The following HSD17B7 variants were observed in gnomAD, a reference collection of about 807,000 sequenced individuals.
HSD17B7 encodes the protein 3-keto-steroid reductase/17-beta-hydroxysteroid dehydrogenase 7.
In HSD17B7, 17 loss-of-function variants were observed where a neutral mutation model predicts 34.1. The observed-to-expected ratio is 0.50, with a 90% CI of 0.34 to 0.75. HSD17B7 has a LOEUF of 0.75. Among genes scored for constraint, HSD17B7 ranks in the 30% least tolerant of loss-of-function variants. The pLI is 0.01. For synonymous variants in HSD17B7, 122 were observed against 154.6 expected (o/e 0.79, Z 1.56); for missense variants, 296 against 406.6 (o/e 0.73, Z 2.34).
chr1:162,793,600 A>G (rs552503555), intron 2 of HSD17B7, among the ~76,000 whole-genome samples: 17 of 152,334 alleles, frequency 1.1e-4, no homozygotes, highest in Non-Finnish European at 1.9e-4. Context: ...TTCAATCTCA[A>G]TCATGATCAT....
At chr1:162,796,553 A>G in intron 2 of HSD17B7, 32 bp from the exon 3 acceptor site, 2 of 1,351,972 alleles carry the variant, frequency 1.5e-6, no homozygotes, top group Admixed American at 1.7e-5. Context: ...TTTACTTGCA[A>G]CTCACAATCT....
rs571995045 is a variant in HSD17B7 at position 162,791,565 on chromosome 1, T to G, written c.35+730T>G. ...TAAGACAGAGGACATGTTAAACATTTAAGATTGATCCACTTTCAATTATTT... is the reference window on the plus strand; with the variant it reads ...TAAGACAGAGGACATGTTAAACATTGAAGATTGATCCACTTTCAATTATTT... On this transcript the variant is annotated intron_variant, in intron 1 of 8. Coordinates refer to ENST00000254521, the MANE Select transcript of HSD17B7 (RefSeq NM_016371.4). 1.5e-4 allele frequency among the ~76,000 whole-genome samples: 16 copies of G among 104,694 alleles called. No individual in the cohort carries two copies. In the South Asian group the frequency reaches 6.6e-3, roughly 43 times the overall value. The allele number at this position is 104,694 out of a possible 152,430, so 68.7% of individuals were successfully genotyped here. A position where few individuals can be genotyped will look rare whatever the true frequency, so the allele number is the denominator to read the frequency against.
intron 4 of HSD17B7, chr1:162,798,662 A>G (rs1206146876): frequency 6.4e-6 from 1 of 156,406 alleles, no homozygotes; most frequent in African/African-American, 2.4e-5. Flanking sequence ...TTCCATTGTT[A>G]AGTTACTTTT....
intron 8 of HSD17B7, among the ~76,000 whole-genome samples, chr1:162,805,705 T>C (rs1187112500): frequency 1.3e-5 from 2 of 152,222 alleles, no homozygotes; most frequent in South Asian, 2.1e-4. Flanking sequence ...CTCTTGATGA[T>C]TGATTTGTGC....
chr1:162,792,545 A>G (rs1440664015), intron 1 of HSD17B7, 114 bp from the exon 2 acceptor site: 18 of 1,388,350 alleles, frequency 1.3e-5, no homozygotes, highest in African/African-American at 2.9e-5. Flanking sequence ...TTTTCTTTCT[A>G]TCTGGGCTTC....
At chr1:162,807,662 C>T (rs1649031105) in intron 8 of HSD17B7, among the ~76,000 whole-genome samples, 1 of 152,110 alleles carries the variant, frequency 6.6e-6, no homozygotes, top group Admixed American at 6.5e-5. Context: ...TAATGATCGC[C>T]ATTCTAACTG....
chr1:162,790,914 C>G lies in HSD17B7; in HGVS notation c.35+79C>G, dbSNP rs1202550766. The G allele has an allele frequency of 3.7e-6, 4 of 1,080,986 alleles. No homozygotes were observed. In the Admixed American group the frequency reaches 8.3e-5, roughly 22 times the overall value. The allele number at this position is 1,080,986 out of a possible 1,614,324, so 67.0% of individuals were successfully genotyped here. A position where few individuals can be genotyped will look rare whatever the true frequency, so the allele number is the denominator to read the frequency against. On this transcript the variant is annotated intron_variant, in intron 1 of 8. Coordinates refer to ENST00000254521, the MANE Select transcript of HSD17B7 (RefSeq NM_016371.4). The stretch of plus-strand genomic sequence containing the variant: ...GCAGGGGTCTGCGACCCTCCACGAA[C>G]GGACCCCGGAAGCGCCCGCCCCTGG...
intron 3 of HSD17B7, chr1:162,797,316 C>T (rs1412363529): frequency 6.3e-6 from 1 of 159,616 alleles, no homozygotes; most frequent in African/African-American, 2.4e-5. Flanking sequence ...TCTCTCTCCC[C>T]GCATTGATTT....
At chr1:162,792,619 C>A (rs1410851295) in intron 1 of HSD17B7, 40 bp from the exon 2 acceptor site, 1 of 1,588,370 alleles carries the variant, frequency 6.3e-7, no homozygotes, top group Non-Finnish European at 8.6e-7. Flanking sequence ...CTGATGCCAT[C>A]CCAGATAACC....
At chr1:162,798,829 C>T in intron 4 of HSD17B7, 1 of 244,034 alleles carries the variant, frequency 4.1e-6, no homozygotes, top group South Asian at 3.4e-5. Flanking sequence ...AACCCCATCT[C>T]TATCAAAAAA....
intron 1 of HSD17B7, among the ~76,000 whole-genome samples, chr1:162,792,235 C>T (rs1322949828): frequency 6.6e-6 from 1 of 152,126 alleles, no homozygotes; most frequent in Non-Finnish European, 1.5e-5. Flanking sequence ...GAGCCCTTGC[C>T]CCTGAGGAGC....
At chr1:162,807,477 G>A (rs1237865497) in intron 8 of HSD17B7, among the ~76,000 whole-genome samples, 1 of 152,118 alleles carries the variant, frequency 6.6e-6, no homozygotes, top group African/African-American at 2.4e-5. Flanking sequence ...ATAATCCTTT[G>A]GGTATATACC....
chr1:162,790,874 C>G (rs946180734), intron 1 of HSD17B7, 39 bp downstream of exon 1: 1 of 1,601,624 alleles, frequency 6.2e-7, no homozygotes, highest in South Asian at 1.1e-5. Context: ...GGCAGCGGAT[C>G]AGGGGTCCGA....
At chr1:162,798,783 G>T in intron 4 of HSD17B7, 1 of 164,896 alleles carries the variant, frequency 6.1e-6, no homozygotes, top group Admixed American at 6.2e-5. Flanking sequence ...ATTACCTGAG[G>T]TCGGGAGTTT....
chr1:162,797,985 G>A (rs1490291503), intron 4 of HSD17B7, 69 bp downstream of exon 4: 8 of 1,546,328 alleles, frequency 5.2e-6, no homozygotes, highest in Non-Finnish European at 7.0e-6. Context: ...TGGGCACAGG[G>A]CATTATTATA....
At chr1:162,812,057 A>G (rs987542333) in intron 8 of HSD17B7, among the ~76,000 whole-genome samples, 6 of 152,186 alleles carry the variant, frequency 3.9e-5, no homozygotes, top group African/African-American at 1.4e-4. Flanking sequence ...GGAGATAGCA[A>G]AACTCAGATC....
intron 6 of HSD17B7, 152 bp from the exon 7 acceptor site, chr1:162,804,115 A>G (rs1648904498): frequency 1.7e-6 from 1 of 571,632 alleles, no homozygotes; most frequent in East Asian, 2.9e-5. Flanking sequence ...TGGAGATTAA[A>G]TGATGTTTCT....
At chr1:162,793,852 A>G (rs1434643634) in intron 2 of HSD17B7, among the ~76,000 whole-genome samples, 1 of 149,122 alleles carries the variant, frequency 6.7e-6, no homozygotes, top group East Asian at 2.0e-4. Flanking sequence ...GGGTGGGTCC[A>G]AGACCCCAGG....
chr1:162,795,325 T>C (rs1648568133), intron 2 of HSD17B7, among the ~76,000 whole-genome samples: 1 of 152,232 alleles, frequency 6.6e-6, no homozygotes. Flanking sequence ...TAGTAAGAAA[T>C]AGTGATGCTG....
Sources: gnomAD v4.1 joint callset for allele counts (sites outside exome capture counted in the v4.1 genomes callset) on GRCh38, gnomAD v4.1.1 for gene constraint, MANE v1.5 for transcripts, NCBI Gene and HGNC (gene_info 2026-07-23, HGNC 2026-07-21) for gene names.